The following GOSR1 variants were observed in gnomAD, a reference collection of about 807,000 sequenced individuals.
GOSR1 encodes the protein golgi SNAP receptor complex member 1.
A neutral mutation model predicts 35.5 loss-of-function variants in GOSR1; 21 were observed. The observed-to-expected ratio is 0.59, with a 90% CI of 0.42 to 0.85. The LOEUF (loss-of-function observed/expected upper bound fraction) is 0.85. Ranked by LOEUF, GOSR1 falls within the 40% of genes least tolerant of loss-of-function variation. The pLI, the probability that GOSR1 is intolerant of heterozygous loss-of-function variation, is 0.00. For missense variants in GOSR1, 285 were observed against 309.6 expected (o/e 0.92, Z 0.60); for synonymous variants, 94 against 106.6 (o/e 0.88, Z 0.73).
intron 6 of GOSR1, among the ~76,000 whole-genome samples, chr17:30,503,634 T>C (rs1183316898): frequency 6.6e-6 from 1 of 152,248 alleles, no homozygotes. Context: ...TATTTGGTCT[T>C]AGCCAAATGA....
intron 1 of GOSR1, among the ~76,000 whole-genome samples, chr17:30,480,582 T>C (rs1341737158): frequency 6.6e-6 from 1 of 152,206 alleles, no homozygotes; most frequent in African/African-American, 2.4e-5. Flanking sequence ...AACATTTGTT[T>C]TCTAGCCATC....
At chr17:30,491,113 G>A (rs1466225541) in intron 5 of GOSR1, among the ~76,000 whole-genome samples, 1 of 152,074 alleles carries the variant, frequency 6.6e-6, no homozygotes, top group Non-Finnish European at 1.5e-5. Flanking sequence ...AGTCCTTCAG[G>A]ACATTTAAGT....
intron 6 of GOSR1, among the ~76,000 whole-genome samples, chr17:30,508,110 G>A (rs111240952): frequency 0.044 from 6,688 of 152,296 alleles, 226 homozygotes; most frequent in Non-Finnish European, 0.063. Flanking sequence ...TTGGGAGGAT[G>A]AAGTTATGTT....
intron 6 of GOSR1, among the ~76,000 whole-genome samples, chr17:30,498,512 C>T (rs1405363264): frequency 6.6e-6 from 1 of 152,162 alleles, no homozygotes; most frequent in African/African-American, 2.4e-5. Flanking sequence ...GCTGAAGCTT[C>T]TGAAAGGGCT....
At position 30,484,307 on chromosome 17, in the gene GOSR1, T is replaced by G; in HGVS notation, c.234+6T>G. 1 of 1,539,156 alleles carries G rather than the reference T, an allele frequency of 6.5e-7. No individual in the cohort carries two copies. The highest frequency in any genetic ancestry group is 9.0e-7 in the Non-Finnish European group (1 of 1,111,530). On this transcript the variant is annotated splice_donor_region_variant and intron_variant, in intron 3 of 8. Transcript: ENST00000451249. ...TTGAACAACTTTTGGCAAGGGTAAG[T>G]GCTTTCTGTTAAATGGCTATTTTGC...
In GOSR1 at chr17:30,522,834, TC is replaced by T. The variant is rs1406680697; in HGVS notation, c.*459del. The T allele has an allele frequency of 6.5e-6, 1 of 153,222 alleles. No homozygotes were observed. The highest frequency in any genetic ancestry group is 6.5e-5 in the Admixed American group (1 of 15,296). The allele number at this position is 153,222 out of a possible 1,614,324, so 9.5% of individuals were successfully genotyped here. A position where few individuals can be genotyped will look rare whatever the true frequency, so the allele number is the denominator to read the frequency against. On this transcript the variant is annotated 3_prime_UTR_variant, in exon 9 of 9. Transcript: ENST00000451249. ...TCTCCCTCTCCCTCTCCCCACGGTC[TC>T]CCTCTTTCCACGGTCTCCCTCTGAT...
In GOSR1 at chr17:30,526,167, A is replaced by G. The variant is rs1370497793; in HGVS notation, c.*3789A>G. 1 of 152,192 alleles carries G rather than the reference A, an allele frequency of 6.6e-6. No homozygotes were observed. The highest frequency in any genetic ancestry group is 1.5e-5 in the Non-Finnish European group (1 of 68,020). 9.4% of individuals were successfully genotyped at this position (152,192 alleles called of 1,614,324 possible). A position where few individuals can be genotyped will look rare whatever the true frequency, so the allele number is the denominator to read the frequency against. The stretch of plus-strand genomic sequence containing the variant: ...TTACCAGATTCAGAGGCTAACAGTT[A>G]GTTACTTGTTAATGCTAGTCACAGC... On this transcript the variant is annotated 3_prime_UTR_variant, in exon 9 of 9. Transcript: ENST00000451249.
chr17:30,520,873 CAT>C (rs1390746685), intron 8 of GOSR1, among the ~76,000 whole-genome samples: 1 of 152,240 alleles, frequency 6.6e-6, no homozygotes, highest in Non-Finnish European at 1.5e-5. Context: ...TATAAAACCA[CAT>C]GTCTAAAATC....
chr17:30,482,016 G>A (rs954937547), intron 2 of GOSR1, among the ~76,000 whole-genome samples: 1 of 151,894 alleles, frequency 6.6e-6, no homozygotes, highest in African/African-American at 2.4e-5. Flanking sequence ...ATTTAAGACA[G>A]TTACAAAGAA....
chr17:30,515,294 A>ATTTTTTTTTT (rs35911853), intron 7 of GOSR1, among the ~76,000 whole-genome samples: 1 of 139,524 alleles, frequency 7.2e-6, no homozygotes. Context: ...TGCCCAGCTA[A>ATTTTTTTTTT]TTTTTTTTTT....
intron 4 of GOSR1, among the ~76,000 whole-genome samples, chr17:30,487,292 C>T (rs968002848): frequency 6.6e-6 from 1 of 152,088 alleles, no homozygotes; most frequent in African/African-American, 2.4e-5. Flanking sequence ...CTATCTCAAT[C>T]CTCACATCCA....
intron 6 of GOSR1, among the ~76,000 whole-genome samples, chr17:30,507,916 C>T (rs1163253777): frequency 6.6e-6 from 1 of 152,126 alleles, no homozygotes; most frequent in Non-Finnish European, 1.5e-5. Context: ...ACAAAGGATT[C>T]AGAAGAGTGT....
chr17:30,498,671 A>G (rs1383804255), intron 6 of GOSR1, among the ~76,000 whole-genome samples: 1 of 152,162 alleles, frequency 6.6e-6, no homozygotes, highest in Non-Finnish European at 1.5e-5. Flanking sequence ...CTCATACATT[A>G]TTAAATGGAT....
chr17:30,490,636 T>TC (rs1165358312), intron 5 of GOSR1, among the ~76,000 whole-genome samples: 4 of 152,138 alleles, frequency 2.6e-5, no homozygotes, highest in Admixed American at 6.6e-5. Context: ...TTATCACCTA[T>TC]CCCCTGGCCC....
chr17:30,496,500 TTTTG>T lies in GOSR1; in HGVS notation c.509+3751_509+3754del, dbSNP rs577888363. ...TCTCCACATACCTTTCTTACTTCTCTTTTGTTTTTTTCCTGAGTCCCTCCAGATG... is the reference window on the plus strand; with the variant it reads ...TCTCCACATACCTTTCTTACTTCTCTTTTTTTTCCTGAGTCCCTCCAGATG... On this transcript the variant is annotated intron_variant, in intron 6 of 8. Coordinates refer to ENST00000451249, the MANE Select transcript of GOSR1 (RefSeq NM_001007025.2). Among the ~76,000 whole-genome samples, 377 of 152,252 alleles carry T rather than the reference TTTTG, an allele frequency of 2.5e-3. 1 individual carries two copies. The highest frequency in any genetic ancestry group is 8.7e-3 in the African/African-American group (363 of 41,572).
chr17:30,494,165 A>C, intron 6 of GOSR1, among the ~76,000 whole-genome samples: 1 of 147,604 alleles, frequency 6.8e-6, no homozygotes, highest in East Asian at 2.0e-4. Context: ...AGAGTAAATC[A>C]GTTTTTGTAA....
intron 4 of GOSR1, among the ~76,000 whole-genome samples, chr17:30,486,670 T>G (rs1468716918): frequency 6.6e-6 from 1 of 152,178 alleles, no homozygotes; most frequent in East Asian, 1.9e-4. Context: ...GATCACAAAA[T>G]GAATACATAA....
chr17:30,493,492 A>G (rs1474397184), intron 6 of GOSR1, among the ~76,000 whole-genome samples: 2 of 152,210 alleles, frequency 1.3e-5, no homozygotes, highest in African/African-American at 4.8e-5. Context: ...TTGCTAGGTA[A>G]TAAAATAACA....
chr17:30,497,504 CCTTA>C (rs1306355342), intron 6 of GOSR1, among the ~76,000 whole-genome samples: 2 of 152,000 alleles, frequency 1.3e-5, no homozygotes, highest in African/African-American at 4.8e-5. Context: ...GTGAAATAAC[CCTTA>C]CTTTATGGAA....
Sources: gnomAD v4.1 joint callset for allele counts (sites outside exome capture counted in the v4.1 genomes callset) on GRCh38, gnomAD v4.1.1 for gene constraint, MANE v1.5 for transcripts, NCBI Gene and HGNC (gene_info 2026-07-23, HGNC 2026-07-21) for gene names.